THEMIS: variants seen among roughly 807,000 people sequenced by gnomAD.
THEMIS encodes thymocyte selection associated.
THEMIS carries 37 observed loss-of-function variants against 52.6 expected under a neutral mutation model. The ratio of observed to expected loss-of-function variants is 0.70; its 90% CI spans 0.54 to 0.93. The LOEUF is 0.93. Ranked by LOEUF, THEMIS falls within the 40% of genes least tolerant of loss-of-function variation. The pLI is 0.00. For missense variants in THEMIS, 808 were observed against 763.1 expected (o/e 1.06, Z -0.69); for synonymous variants, 292 against 272.7 (o/e 1.07, Z -0.70).
At chr6:127,777,265 A>G (rs916386732) in intron 4 of THEMIS, among the ~76,000 whole-genome samples, 1 of 147,724 alleles carries the variant, frequency 6.8e-6, no homozygotes, top group African/African-American at 2.5e-5. Flanking sequence ...ATATTTTCAG[A>G]TTTTGTTTTA....
At chr6:127,837,170 C>T (rs1583333992) in intron 2 of THEMIS, among the ~76,000 whole-genome samples, 1 of 151,954 alleles carries the variant, frequency 6.6e-6, no homozygotes, top group Non-Finnish European at 1.5e-5. Flanking sequence ...CAAAAAGACA[C>T]AGAAAATGAT....
rs552692125 is a variant in THEMIS, at chr6:127,745,674, G to A, written c.1759-25851C>T. Among the ~76,000 whole-genome samples the A allele has an allele frequency of 3.3e-5, 5 of 151,984 alleles. No homozygotes were observed. In the East Asian group the frequency reaches 9.6e-4, roughly 29 times the overall value. ...ACTATAGGTTGTTTCCTGACAGAAA[G>A]ATGAGTGAAATAACATCCACACCAG... On this transcript the variant is annotated intron_variant, in intron 4 of 5. Coordinates refer to ENST00000368248, the MANE Select transcript of THEMIS (RefSeq NM_001010923.3).
chr6:127,909,108 T>A lies in THEMIS; in HGVS notation c.-149-8027A>T, dbSNP rs375820889. ...TGCATTAAATACAAATTATCTAGTT[T>A]AGTAAATTCAACTTAGGATATGTAT... is the stretch of plus-strand genomic sequence containing the variant. On this transcript the variant is annotated intron_variant, in intron 1 of 6. Coordinates refer to the THEMIS transcript ENST00000368250. Among the ~76,000 whole-genome samples the A allele has an allele frequency of 1.1e-4, 17 of 152,186 alleles. No individual in the cohort carries two copies. In the East Asian group the frequency reaches 2.1e-3, roughly 19 times the overall value.
At chr6:127,701,595 T>C in the THEMIS span, among the ~76,000 whole-genome samples, 71,148 of 151,910 alleles carry the variant, frequency 0.47, 17,924 homozygotes, top group Non-Finnish European at 0.58. Context: ...GGTGTATGTT[T>C]AGCTTTAGGA....
At chr6:127,852,228 C>G (rs533662420) in intron 2 of THEMIS, among the ~76,000 whole-genome samples, 1 of 151,512 alleles carries the variant, frequency 6.6e-6, no homozygotes, top group Non-Finnish European at 1.5e-5. Context: ...CCATCAGAGC[C>G]TGCAAATACA....
chr6:127,872,007 CAAAT>C (rs1780172919), intron 1 of THEMIS, among the ~76,000 whole-genome samples: 1 of 151,944 alleles, frequency 6.6e-6, no homozygotes, highest in African/African-American at 2.4e-5. Flanking sequence ...AAAAAATAAA[CAAAT>C]AAATAAAATA....
At chr6:127,715,697 T>C (rs1271831683) in intron 5 of THEMIS, among the ~76,000 whole-genome samples, 2 of 151,958 alleles carry the variant, frequency 1.3e-5, no homozygotes, top group South Asian at 2.1e-4. Context: ...AGGGAGTTTG[T>C]TTTTTTCTGA....
intron 1 of THEMIS, among the ~76,000 whole-genome samples, chr6:127,896,168 C>T (rs1401121548): frequency 1.3e-5 from 2 of 151,014 alleles, no homozygotes; most frequent in Non-Finnish European, 3.0e-5. Context: ...CTAAAACAAA[C>T]ATCATGAATG....
At chr6:127,868,348 T>A in intron 1 of THEMIS, 1 of 745,982 alleles carries the variant, frequency 1.3e-6, no homozygotes, top group Non-Finnish European at 1.6e-6. Context: ...CTCCTATGGA[T>A]GGGGCTTTGT....
chr6:127,729,722 G>C (rs1306947338), intron 4 of THEMIS, among the ~76,000 whole-genome samples: 2 of 152,060 alleles, frequency 1.3e-5, no homozygotes, highest in East Asian at 3.9e-4. Flanking sequence ...ACTTTAACAA[G>C]AGCAATCCGC....
chr6:127,901,993 G>C (rs1392036401), upstream of THEMIS, among the ~76,000 whole-genome samples: 1 of 151,876 alleles, frequency 6.6e-6, no homozygotes, highest in Non-Finnish European at 1.5e-5. Flanking sequence ...TACAATTAAA[G>C]GTGGTAGTTC....
At chr6:127,814,018 C>G in intron 3 of THEMIS, 87 bp from the exon 4 acceptor site, 1 of 1,163,958 alleles carries the variant, frequency 8.6e-7, no homozygotes, top group Non-Finnish European at 1.2e-6. Context: ...AAATAAATTT[C>G]TTTTACAAAA....
At chr6:127,855,841 C>T (rs1193123006) in intron 1 of THEMIS, among the ~76,000 whole-genome samples, 1 of 151,912 alleles carries the variant, frequency 6.6e-6, no homozygotes, top group African/African-American at 2.4e-5. Flanking sequence ...ATCATAGATG[C>T]TACAGCTAAG....
intron 4 of THEMIS, among the ~76,000 whole-genome samples, chr6:127,732,988 T>G (rs1774864103): frequency 6.6e-6 from 1 of 152,226 alleles, no homozygotes; most frequent in Non-Finnish European, 1.5e-5. Flanking sequence ...TTGCTAAGAC[T>G]TGGTACTCTC....
intron 3 of THEMIS, among the ~76,000 whole-genome samples, chr6:127,816,520 T>C (rs1778141749): frequency 1.3e-5 from 2 of 152,196 alleles, no homozygotes; most frequent in Admixed American, 1.3e-4. Flanking sequence ...GAAACTCTTT[T>C]CTTTCAGTTC....
Position 127,723,329 on chromosome 6 carries a change from G to A in THEMIS, c.1759-3506C>T, listed in dbSNP as rs147726380. On this transcript the variant is annotated intron_variant, in intron 4 of 5. Transcript: ENST00000368248. ...CCTCTCAGCAGCATCTGACATGTCT[G>A]GTCACCTCCTTCTTTTGGTTTCTGA... Among the ~76,000 whole-genome samples, 144 of 152,060 alleles carry A rather than the reference G, an allele frequency of 9.5e-4. 1 individual carries two copies. Among genetic ancestry groups the A allele is most frequent in the African/African-American group, 3.4e-3 (143 of 41,504 alleles).
In THEMIS at chr6:127,910,282, G is replaced by T. The variant is rs191689174; in HGVS notation, c.-150+8146C>A. Among the ~76,000 whole-genome samples the T allele has an allele frequency of 7.9e-5, 12 of 152,152 alleles. No homozygotes were observed. In the East Asian group the frequency reaches 1.9e-3, roughly 25 times the overall value. On this transcript the variant is annotated intron_variant, in intron 1 of 6. Coordinates refer to the THEMIS transcript ENST00000368250. ...TCTTTTTTCCAATTAAACTCTGAGA[G>T]CATTGCAACAAGCCTCATCATTTTG...
chr6:127,704,122 C>T (rs1773769227), downstream of THEMIS, among the ~76,000 whole-genome samples: 1 of 152,152 alleles, frequency 6.6e-6, no homozygotes, highest in Admixed American at 6.6e-5. Context: ...GTATTGGTTT[C>T]CAACATATGA....
chr6:127,822,429 C>T (rs1408082857), intron 3 of THEMIS, among the ~76,000 whole-genome samples: 2 of 151,970 alleles, frequency 1.3e-5, no homozygotes, highest in African/African-American at 4.8e-5. Context: ...ACAAAGAGAG[C>T]CTTTTGAACG....
Sources: allele counts gnomAD v4.1 joint callset (sites outside exome capture counted in the v4.1 genomes callset), GRCh38; gene constraint gnomAD v4.1.1; transcripts MANE v1.5; gene names NCBI Gene and HGNC (gene_info 2026-07-23, HGNC 2026-07-21).